Variants in CNBD1 observed in about 807,000 individuals in gnomAD.
The protein encoded by CNBD1 is cyclic nucleotide binding domain containing 1.
Under a neutral mutation model 54.4 loss-of-function variants are expected in CNBD1, and 71 were observed. The observed-to-expected ratio is 1.30, with a 90% confidence interval of 1.08 to 1.59. CNBD1 has a LOEUF of 1.59. Among genes scored for constraint, CNBD1 ranks in the 40% most tolerant of loss-of-function variants. CNBD1 has a pLI of 0.00. For synonymous variants in CNBD1, 182 were observed against 170.7 expected (o/e 1.07, Z -0.51); for missense variants, 659 against 518.0 (o/e 1.27, Z -2.64).
intron 5 of CNBD1, among the ~76,000 whole-genome samples, chr8:87,208,564 A>G (rs1350122433): frequency 1.3e-5 from 2 of 152,038 alleles, no homozygotes; most frequent in African/African-American, 4.8e-5. Flanking sequence ...GGCCTGAACA[A>G]GGGACATTTT....
intron 2 of CNBD1, among the ~76,000 whole-genome samples, chr8:86,904,586 AG>A (rs1262036922): frequency 1.3e-5 from 2 of 152,112 alleles, no homozygotes; most frequent in African/African-American, 4.8e-5. Flanking sequence ...ACTTACAAAA[AG>A]CATCGTAGGT....
chr8:87,373,270 T>A (rs981346051), intron 10 of CNBD1, among the ~76,000 whole-genome samples: 9 of 151,854 alleles, frequency 5.9e-5, no homozygotes, highest in African/African-American at 1.9e-4. Flanking sequence ...CTTCTACTGA[T>A]ACTTCTAATA....
chr8:87,113,124 G>C (rs1484893454), intron 4 of CNBD1, among the ~76,000 whole-genome samples: 1 of 152,190 alleles, frequency 6.6e-6, no homozygotes, highest in Non-Finnish European at 1.5e-5. Flanking sequence ...CACAGGCAGA[G>C]GGTGGATGCA....
intron 2 of CNBD1, among the ~76,000 whole-genome samples, chr8:87,403,224 C>A (rs1807598248): frequency 6.6e-6 from 1 of 152,034 alleles, no homozygotes; most frequent in Admixed American, 6.6e-5. Flanking sequence ...CATTATTAAA[C>A]ACTTCTGCTG....
rs1328772954 is a variant in CNBD1 at position 87,347,514 on chromosome 8, T to C, written c.1043-4171T>C. Among the ~76,000 whole-genome samples the C allele has an allele frequency of 2.0e-5, 3 of 150,176 alleles. No individual in the cohort carries two copies. The East Asian group carries it at 5.8e-4, about 29-fold the overall frequency. On this transcript the variant is annotated intron_variant, in intron 8 of 10. Coordinates refer to ENST00000518476, the MANE Select transcript of CNBD1 (RefSeq NM_173538.3). Reference sequence around the variant, plus strand: ...TAACTTATACAATAAGTATAAGCAATAAACAAATCAATAACTTAGATGGCA... The same window carrying C: ...TAACTTATACAATAAGTATAAGCAACAAACAAATCAATAACTTAGATGGCA...
intron 7 of CNBD1, 82 bp downstream of exon 7, chr8:87,284,897 C>A: frequency 1.0e-6 from 1 of 959,480 alleles, no homozygotes; most frequent in Non-Finnish European, 1.5e-6. Context: ...ACAAAGACAG[C>A]TATATCTGTT....
intron 5 of CNBD1, among the ~76,000 whole-genome samples, chr8:87,212,520 A>G (rs1381423777): frequency 6.6e-6 from 1 of 152,180 alleles, no homozygotes; most frequent in Non-Finnish European, 1.5e-5. Flanking sequence ...AGAGAGATCA[A>G]TGGAACAGAT....
At position 87,286,420 on chromosome 8, in the gene CNBD1, C is replaced by T. The variant is rs1808699155; in HGVS notation, c.910-119C>T. ...TGCTCAGATAAAATTCAAATGTATT[C>T]TATACTAACTTATATTCATATGGCC... On this transcript the variant is annotated intron_variant, in intron 7 of 10. Coordinates refer to ENST00000518476, the MANE Select transcript of CNBD1 (RefSeq NM_173538.3). 1.5e-5 allele frequency: 9 copies of T among 609,982 alleles called. No individual in the cohort carries two copies. The South Asian group carries it at 2.1e-4, about 14-fold the overall frequency. 37.8% of individuals were successfully genotyped at this position (609,982 alleles called of 1,614,324 possible).
chr8:87,425,950 G>A (rs555234486), intron 2 of CNBD1, among the ~76,000 whole-genome samples: 3 of 152,330 alleles, frequency 2.0e-5, no homozygotes, highest in South Asian at 2.1e-4. Flanking sequence ...ATCTCAGACT[G>A]CTGTGCTAGC....
intron 2 of CNBD1, among the ~76,000 whole-genome samples, chr8:87,424,779 G>A (rs1808015358): frequency 6.6e-6 from 1 of 152,110 alleles, no homozygotes; most frequent in African/African-American, 2.4e-5. Context: ...CAACTTTGGT[G>A]AATCTGACAA....
intron 2 of CNBD1, among the ~76,000 whole-genome samples, chr8:86,895,253 G>GGT (rs59497760): frequency 0.014 from 2,032 of 144,860 alleles, 36 homozygotes; most frequent in African/African-American, 0.038. Context: ...GTGTGTGCAT[G>GGT]GTGTGTGTGT....
At chr8:87,352,478 C>CAAAAAAAAAAAAAAAAAAAA (rs386413278) in intron 9 of CNBD1, among the ~76,000 whole-genome samples, 7 of 107,460 alleles carry the variant, frequency 6.5e-5, no homozygotes, top group African/African-American at 2.7e-4. Flanking sequence ...GACTCTGTCT[C>CAAAAAAAAAAAAAAAAAAAA]AAAAAAAAAA....
chr8:87,056,727 A>T (rs190544836), intron 4 of CNBD1, among the ~76,000 whole-genome samples: 263 of 152,260 alleles, frequency 1.7e-3, no homozygotes, highest in Middle Eastern at 6.8e-3. Context: ...TTGACTGATT[A>T]TATAATACTT....
At chr8:86,889,155 C>T (rs1392469446) in intron 2 of CNBD1, among the ~76,000 whole-genome samples, 1 of 152,118 alleles carries the variant, frequency 6.6e-6, no homozygotes. Context: ...CCTGGGGGAA[C>T]AGGTTTTAAG....
intron 2 of CNBD1, among the ~76,000 whole-genome samples, chr8:87,409,607 G>A (rs1267221963): frequency 6.6e-6 from 1 of 152,078 alleles, no homozygotes; most frequent in Non-Finnish European, 1.5e-5. Context: ...GTCAATGCCT[G>A]GTTTCAAAGC....
At chr8:87,411,749 T>C (rs1807750249) in intron 2 of CNBD1, among the ~76,000 whole-genome samples, 1 of 151,266 alleles carries the variant, frequency 6.6e-6, no homozygotes, top group African/African-American at 2.4e-5. Flanking sequence ...ACTGAAAGGG[T>C]TCATGTAAGT....
intron 4 of CNBD1, among the ~76,000 whole-genome samples, chr8:86,962,007 G>C (rs976933516): frequency 5.3e-5 from 8 of 152,284 alleles, no homozygotes; most frequent in East Asian, 1.9e-4. Context: ...ATGCAGGCAG[G>C]TTCTATGGCC....
chr8:86,972,276 T>G (rs1043864967), intron 4 of CNBD1, among the ~76,000 whole-genome samples: 2 of 152,156 alleles, frequency 1.3e-5, no homozygotes, highest in Non-Finnish European at 2.9e-5. Context: ...AAACATAGTA[T>G]TAAATAATTA....
chr8:87,224,129 A>T (rs1343837260), intron 5 of CNBD1, among the ~76,000 whole-genome samples: 1 of 151,790 alleles, frequency 6.6e-6, no homozygotes, highest in Non-Finnish European at 1.5e-5. Flanking sequence ...TTCATTGTAG[A>T]TTCTGGATAT....
Sources: gnomAD v4.1 joint callset for allele counts (sites outside exome capture counted in the v4.1 genomes callset) on GRCh38, gnomAD v4.1.1 for gene constraint, MANE v1.5 for transcripts, NCBI Gene and HGNC (gene_info 2026-07-23, HGNC 2026-07-21) for gene names.